GRAMD1B: variants seen among roughly 807,000 people sequenced by gnomAD.
The protein encoded by GRAMD1B is GRAM domain containing 1B, also known as protein Aster-B.
GRAMD1B carries 37 observed loss-of-function variants against 99.7 expected under a neutral mutation model. The ratio of observed to expected loss-of-function variants is 0.37; its 90% CI spans 0.29 to 0.49. The LOEUF (loss-of-function observed/expected upper bound fraction) is 0.49. Among genes scored for constraint, GRAMD1B ranks in the 20% least tolerant of loss-of-function variants. The pLI is 0.98. For missense variants in GRAMD1B, 888 were observed against 1,009.2 expected, an observed-to-expected ratio of 0.88 and a Z score of 1.63; for synonymous variants, 427 against 387.6, an observed-to-expected ratio of 1.10 and a Z score of -1.19.
At chr11:123,496,004 T>C (rs564530481) in intron 2 of GRAMD1B, among the ~76,000 whole-genome samples, 49 of 152,326 alleles carry the variant, frequency 3.2e-4, no homozygotes, top group Non-Finnish European at 6.0e-4. Flanking sequence ...ACAACACAAT[T>C]ACAGTGATAT....
At chr11:123,620,039 C>T (rs1443337311) in intron 19 of GRAMD1B, among the ~76,000 whole-genome samples, 2 of 152,226 alleles carry the variant, frequency 1.3e-5, no homozygotes, top group Admixed American at 1.3e-4. Flanking sequence ...AGCAAGGGAC[C>T]TTGAGCTTCC....
At chr11:123,403,012 C>T (rs868624211) in intron 1 of GRAMD1B, among the ~76,000 whole-genome samples, 1 of 150,918 alleles carries the variant, frequency 6.6e-6, no homozygotes, top group Non-Finnish European at 1.5e-5. Context: ...AACATAGATA[C>T]GGGAAAGAGT....
At chr11:123,502,578 C>T (rs911732562) in intron 2 of GRAMD1B, among the ~76,000 whole-genome samples, 4 of 152,076 alleles carry the variant, frequency 2.6e-5, no homozygotes, top group African/African-American at 7.2e-5. Context: ...AGTTCAAGAC[C>T]AGCCTGGGCA....
intron 2 of GRAMD1B, 70 bp downstream of exon 2, chr11:123,480,963 A>G (rs1951565185): frequency 1.5e-5 from 6 of 397,752 alleles, no homozygotes; most frequent in Non-Finnish European, 2.7e-5. Flanking sequence ...TTTGAGGAAG[A>G]TTGTGCCTCT....
In GRAMD1B at chr11:123,613,630, T is replaced by A. The variant is rs778905988; in HGVS notation, c.2199T>A (p.Asp733Glu). The A allele has an allele frequency of 3.1e-6, 5 of 1,613,570 alleles. No homozygotes were observed. The highest frequency in any genetic ancestry group is 4.2e-6 in the Non-Finnish European group (5 of 1,179,844). ...CGGTCACCACGCCCACAGATGAGGATGTGGGCCACAGGATCAAACATGTGG... is the reference window on the plus strand; with the variant it reads ...CGGTCACCACGCCCACAGATGAGGAAGTGGGCCACAGGATCAAACATGTGG... ...MSPVTTPTDE[D>E]VGHRIKHVAG... The change falls in exon 16 of 20, where the codon GAT (aspartate) becomes GAA (glutamate). Residue 733 changes from aspartate (D) to glutamate (E), a missense_variant. Physicochemically the swap from Asp to Glu is conservative, Grantham distance 45. This residue lies in a region of GRAMD1B where 232 missense variants were observed against 261.7 expected (regional missense o/e 0.89). Transcript: ENST00000635736.
At chr11:123,548,849 T>G (rs964866694) in intron 2 of GRAMD1B, among the ~76,000 whole-genome samples, 7 of 152,144 alleles carry the variant, frequency 4.6e-5, no homozygotes, top group Non-Finnish European at 8.8e-5. Flanking sequence ...GTTCAAGAGA[T>G]CCTCCTGCCA....
intron 7 of GRAMD1B, among the ~76,000 whole-genome samples, 183 bp from the exon 8 acceptor site, chr11:123,600,285 G>A (rs536121340): frequency 1.3e-5 from 2 of 152,140 alleles, no homozygotes; most frequent in South Asian, 4.1e-4. Flanking sequence ...ACAGTATCAG[G>A]TACCCAGGCC....
rs1950180698 is a variant in GRAMD1B, at chr11:123,587,414, C to T, written c.684+3082C>T. On this transcript the variant is annotated intron_variant, in intron 4 of 19. Transcript: ENST00000635736. This position sits in a 1 kb window ranked among gnomAD's most constrained non-coding sequence, Gnocchi z 4.2. ...CATCAGGGCCTTCAGATCAAGGGAG[C>T]TGCCCTAGTAGACATGAGATGGAGG... Among the ~76,000 whole-genome samples, 1 of 152,186 alleles carries T rather than the reference C, an allele frequency of 6.6e-6. No homozygotes were observed. The highest frequency in any genetic ancestry group is 1.5e-5 in the Non-Finnish European group (1 of 68,038).
Position 123,410,861 on chromosome 11 carries a change from T to C in GRAMD1B, c.-176+52062T>C, listed in dbSNP as rs139734154. 3.6e-3 allele frequency among the ~76,000 whole-genome samples: 544 copies of C among 152,260 alleles called. 2 individuals are homozygous for C. Among genetic ancestry groups the C allele is most frequent in the African/African-American group, 0.013 (528 of 41,544 alleles). On this transcript the variant is annotated intron_variant, in intron 1 of 20. Transcript: ENST00000638157. Reference sequence around the variant, plus strand: ...AGTGACTTCTAGGCAAGCTTTATTTTATTTATTTATATTTACCTGTAAGAC... The same window carrying C: ...AGTGACTTCTAGGCAAGCTTTATTTCATTTATTTATATTTACCTGTAAGAC...
At chr11:123,360,291 C>G (rs1946094845) in intron 1 of GRAMD1B, among the ~76,000 whole-genome samples, 1 of 152,174 alleles carries the variant, frequency 6.6e-6, no homozygotes, top group African/African-American at 2.4e-5. Context: ...ATGTCTCTTG[C>G]TTGTACTGAA....
intron 2 of GRAMD1B, among the ~76,000 whole-genome samples, chr11:123,532,173 G>A (rs1943456743): frequency 6.8e-6 from 1 of 146,264 alleles, no homozygotes; most frequent in African/African-American, 2.8e-5. Context: ...TTTAGTTCTT[G>A]ATCACTCCAA....
chr11:123,425,084 G>T (rs1356964093), intron 1 of GRAMD1B, among the ~76,000 whole-genome samples: 5 of 152,210 alleles, frequency 3.3e-5, no homozygotes, highest in African/African-American at 4.8e-5. Context: ...ACTCCAGCAA[G>T]GAGATGCTAT....
intron 2 of GRAMD1B, among the ~76,000 whole-genome samples, chr11:123,515,272 G>A (rs55995623): frequency 0.03 from 4,628 of 152,218 alleles, 236 homozygotes; most frequent in African/African-American, 0.11. Flanking sequence ...TGAACTGCCC[G>A]TGAGATATCT....
At chr11:123,564,305 TC>T (rs1947117804) in intron 2 of GRAMD1B, among the ~76,000 whole-genome samples, 1 of 152,240 alleles carries the variant, frequency 6.6e-6, no homozygotes, top group Non-Finnish European at 1.5e-5. Flanking sequence ...AATCCTTCTG[TC>T]TCAGAGATGC....
At chr11:123,588,579 G>A (rs1357038266) in intron 4 of GRAMD1B, among the ~76,000 whole-genome samples, 2 of 152,172 alleles carry the variant, frequency 1.3e-5, no homozygotes, top group Admixed American at 6.5e-5. Flanking sequence ...CCCAAGGGAG[G>A]CATTCTGATC....
At chr11:123,446,911 A>C (rs1368712491) in intron 1 of GRAMD1B, among the ~76,000 whole-genome samples, 2 of 151,976 alleles carry the variant, frequency 1.3e-5, no homozygotes, top group African/African-American at 4.8e-5. Context: ...CTCGGAAGAA[A>C]GAAAGAAAAG....
intron 2 of GRAMD1B, among the ~76,000 whole-genome samples, chr11:123,545,465 G>A (rs987482832): frequency 6.6e-6 from 1 of 152,054 alleles, no homozygotes. Flanking sequence ...ATCTGCCTGG[G>A]GCCCATGAAT....
At chr11:123,520,830 A>G (rs1218660895) in intron 2 of GRAMD1B, among the ~76,000 whole-genome samples, 1 of 151,358 alleles carries the variant, frequency 6.6e-6, no homozygotes, top group East Asian at 1.9e-4. Context: ...ATATTTATAA[A>G]ATATATAAAA....
intron 1 of GRAMD1B, among the ~76,000 whole-genome samples, chr11:123,460,929 C>T (rs1249638524): frequency 6.6e-6 from 1 of 152,100 alleles, no homozygotes; most frequent in African/African-American, 2.4e-5. Flanking sequence ...TTTCCTTGGG[C>T]GCCTCTTTCC....
Sources: allele counts gnomAD v4.1 joint callset (sites outside exome capture counted in the v4.1 genomes callset), GRCh38; gene constraint gnomAD v4.1.1; regional missense constraint gnomAD v4.1.1; non-coding constraint Gnocchi (gnomAD v3.1); transcripts MANE v1.5; gene names NCBI Gene and HGNC (gene_info 2026-07-23, HGNC 2026-07-21).